GINS3: variants seen among roughly 807,000 people sequenced by gnomAD.
GINS3 encodes DNA replication complex GINS protein PSF3.
In GINS3, 18 loss-of-function variants were observed where a neutral mutation model predicts 20.0. That is an observed-to-expected ratio of 0.90 (90% CI 0.62 to 1.33). The LOEUF is 1.33. Ranked by LOEUF, GINS3 falls within the 40% of genes most tolerant of loss-of-function variation. GINS3 has a pLI of 0.00. For missense variants in GINS3, 254 were observed against 273.6 expected (o/e 0.93, Z 0.51); for synonymous variants, 109 against 107.0 (o/e 1.02, Z -0.12).
chr16:58,397,772 G>A (rs1045313139), intron 1 of GINS3, among the ~76,000 whole-genome samples: 6 of 151,946 alleles, frequency 3.9e-5, no homozygotes, highest in South Asian at 2.1e-4. Flanking sequence ...GTCCAGCTTC[G>A]GCTCGGCATC....
At chr16:58,396,569 T>C (rs1230417831) in intron 1 of GINS3, among the ~76,000 whole-genome samples, 3 of 25,882 alleles carry the variant, frequency 1.2e-4, no homozygotes, top group African/African-American at 3.7e-4. Context: ...CGGGGGCTGA[T>C]CCCCCCCACC....
intron 2 of GINS3, 173 bp downstream of exon 2, chr16:58,403,504 C>T: frequency 1.7e-6 from 1 of 573,814 alleles, no homozygotes; most frequent in Non-Finnish European, 3.1e-6. Context: ...TACACACACA[C>T]ACACACACAC....
intron 1 of GINS3, among the ~76,000 whole-genome samples, chr16:58,396,047 G>A (rs908710641): frequency 4.2e-5 from 6 of 144,542 alleles, no homozygotes; most frequent in Non-Finnish European, 6.1e-5. Flanking sequence ...GGGCAGAGGC[G>A]CCCCTCACCT....
intron 1 of GINS3, 49 bp downstream of exon 1, chr16:58,392,836 C>A (rs1469019649): frequency 1.3e-6 from 2 of 1,512,248 alleles, no homozygotes; most frequent in Admixed American, 2.1e-5. Flanking sequence ...CAGCTCCCGG[C>A]GGGCCCCTCG....
At position 58,397,935 on chromosome 16, in the gene GINS3, G is replaced by GT. The variant is rs1965905364; in HGVS notation, c.186+5149dup. On this transcript the variant is annotated intron_variant, in intron 1 of 2. Transcript: ENST00000318129. ...TTAATGTCAGTAGGATTACAGTGGTGTCCTTATTTTTATTTTTAATATCAA... is the reference window on the plus strand; with the variant it reads ...TTAATGTCAGTAGGATTACAGTGGTGTTCCTTATTTTTATTTTTAATATCAA... 2.0e-5 allele frequency among the ~76,000 whole-genome samples: 3 copies of GT among 152,144 alleles called. No individual in the cohort carries two copies. In the South Asian group the frequency reaches 6.2e-4, roughly 31 times the overall value.
At position 58,404,763 on chromosome 16, in the gene GINS3, C is replaced by G; in HGVS notation, c.*34C>G. The G allele has an allele frequency of 6.9e-7, 1 of 1,449,278 alleles. No individual in the cohort carries two copies. Among genetic ancestry groups the G allele is most frequent in the Non-Finnish European group, 9.6e-7 (1 of 1,039,354 alleles). 89.8% of individuals were successfully genotyped at this position (1,449,278 alleles called of 1,614,324 possible). On this transcript the variant is annotated 3_prime_UTR_variant, in exon 3 of 3. Transcript: ENST00000318129. ...AGAACACAGAATGGCTCCTCACAGA[C>G]GTATCCCTCCGTGTGTCCTTGATAG...
chr16:58,392,721 G>C lies in GINS3; in HGVS notation c.120G>C (p.Met40Ile). 6.2e-7 allele frequency: 1 copy of C among 1,614,176 alleles called. No individual in the cohort carries two copies. Among genetic ancestry groups the C allele is most frequent in the South Asian group, 1.1e-5 (1 of 91,090 alleles). Residue 40 changes from methionine (M) to isoleucine (I), a missense_variant, in exon 1 of 3, where the codon ATG (methionine) becomes ATC (isoleucine). Coordinates refer to ENST00000318129, the MANE Select transcript of GINS3 (RefSeq NM_022770.4). ...EKLPVRTETAMPRLGAFFLER... is the reference protein window; with the variant it reads ...EKLPVRTETAIPRLGAFFLER... Reference sequence around the variant, plus strand: ...TGCCGGTGCGCACGGAGACCGCCATGCCTCGCCTTGGCGCTTTCTTCCTGG... The same window carrying C: ...TGCCGGTGCGCACGGAGACCGCCATCCCTCGCCTTGGCGCTTTCTTCCTGG...
At chr16:58,395,272 CT>C (rs111843649) in intron 1 of GINS3, 17,002 of 223,358 alleles carry the variant, frequency 0.076, 25 homozygotes, top group Middle Eastern at 0.097. Context: ...TCTAAATTTT[CT>C]TTTTTTTTTT....
At chr16:58,397,643 A>T (rs1004986678) in intron 1 of GINS3, among the ~76,000 whole-genome samples, 1 of 152,066 alleles carries the variant, frequency 6.6e-6, no homozygotes, top group African/African-American at 2.4e-5. Context: ...CGTCTCCACC[A>T]AAAAAATACG....
At chr16:58,397,059 C>G (rs572422252) in intron 1 of GINS3, among the ~76,000 whole-genome samples, 2 of 148,502 alleles carry the variant, frequency 1.3e-5, no homozygotes, top group African/African-American at 5.2e-5. Context: ...GCTGGCCGGG[C>G]GGGGGGCTGA....
Position 58,392,649 on chromosome 16 carries a change from G to A in GINS3, c.48G>A (p.Glu16=), listed in dbSNP as rs749908545. Residue 16 remains glutamate, a synonymous_variant, in exon 1 of 3, where the codon GAG becomes GAA. Coordinates refer to ENST00000318129, the MANE Select transcript of GINS3 (RefSeq NM_022770.4). The part of the protein sequence containing the change: ...FRVESGALGP[E]ENFLSLDDIL... ...TGGAGTCGGGTGCGCTGGGGCCTGA[G>A]GAGAACTTTCTTTCTTTGGACGACA... 10 of 1,614,024 alleles carry A rather than the reference G, an allele frequency of 6.2e-6. No individual in the cohort carries two copies. Among genetic ancestry groups the A allele is most frequent in the African/African-American group, 1.3e-5 (1 of 74,952 alleles).
Position 58,404,875 on chromosome 16 carries a change from C to T in GINS3, c.*146C>T, listed in dbSNP as rs1391289157. ...CCATAGAGAATTATAGGGAACTGGA[C>T]ATGCTGGAGGATGTGGGTGTCCCTG... On this transcript the variant is annotated 3_prime_UTR_variant, in exon 3 of 3. Coordinates refer to ENST00000318129, the MANE Select transcript of GINS3 (RefSeq NM_022770.4). The T allele has an allele frequency of 7.7e-6, 5 of 651,268 alleles. No individual in the cohort carries two copies. The highest frequency in any genetic ancestry group is 1.9e-5 in the South Asian group (1 of 52,052). The allele number at this position is 651,268 out of a possible 1,614,324, so 40.3% of individuals were successfully genotyped here.
At chr16:58,402,932 C>T in intron 1 of GINS3, 166 bp from the exon 2 acceptor site, 1 of 604,618 alleles carries the variant, frequency 1.7e-6, no homozygotes, top group Non-Finnish European at 2.9e-6. Flanking sequence ...AAACTTCAGC[C>T]CACACACTTC....
chr16:58,403,544 C>T lies in GINS3; in HGVS notation c.420+213C>T, dbSNP rs576241662. 7 of 532,842 alleles carry T rather than the reference C, an allele frequency of 1.3e-5. No individual in the cohort carries two copies. In the South Asian group the frequency reaches 1.4e-4, roughly 11 times the overall value. 33.0% of individuals were successfully genotyped at this position (532,842 alleles called of 1,614,324 possible). A position where few individuals can be genotyped will look rare whatever the true frequency, so the allele number is the denominator to read the frequency against. ...ACATTTTTTTAATATGACTTGTCTGCCACTCCTCATATTTGCTTGCTACAA... is the reference window on the plus strand; with the variant it reads ...ACATTTTTTTAATATGACTTGTCTGTCACTCCTCATATTTGCTTGCTACAA... On this transcript the variant is annotated intron_variant, in intron 2 of 2. Coordinates refer to ENST00000318129, the MANE Select transcript of GINS3 (RefSeq NM_022770.4).
chr16:58,392,513 C>A lies in GINS3; in HGVS notation c.-89C>A. 7.1e-7 allele frequency: 1 copy of A among 1,416,376 alleles called. No individual in the cohort carries two copies. Among genetic ancestry groups the A allele is most frequent in the South Asian group, 1.3e-5 (1 of 77,072 alleles). The allele number at this position is 1,416,376 out of a possible 1,614,324, so 87.7% of individuals were successfully genotyped here. ...CTTTCCTGACCCCAACCATCCTGCC[C>A]AGTCTCCGCTTCCCCGTCTTGTACA... On this transcript the variant is annotated 5_prime_UTR_variant, in exon 1 of 3. Coordinates refer to ENST00000318129, the MANE Select transcript of GINS3 (RefSeq NM_022770.4).
At chr16:58,403,483 A>G in intron 2 of GINS3, 152 bp downstream of exon 2, 1 of 605,584 alleles carries the variant, frequency 1.7e-6, no homozygotes, top group South Asian at 2.0e-5. Flanking sequence ...CATTTTATAT[A>G]TTTACATATA....
chr16:58,398,302 T>G (rs6499953), intron 1 of GINS3, among the ~76,000 whole-genome samples: 7,320 of 152,314 alleles, frequency 0.048, 191 homozygotes, highest in African/African-American at 0.073. Context: ...ATATTTTCAT[T>G]ATCAATGAAC....
intron 1 of GINS3, among the ~76,000 whole-genome samples, chr16:58,396,083 G>C (rs1448480980): frequency 6.9e-6 from 1 of 144,190 alleles, no homozygotes; most frequent in Non-Finnish European, 1.5e-5. Flanking sequence ...TGGCCGGGCG[G>C]GGGGCTGACT....
intron 1 of GINS3, among the ~76,000 whole-genome samples, chr16:58,393,947 T>C (rs1965817328): frequency 6.6e-6 from 1 of 152,156 alleles, no homozygotes; most frequent in Non-Finnish European, 1.5e-5. Context: ...GTACCTTTTT[T>C]AGTGGTGTCT....
Sources: allele counts gnomAD v4.1 joint callset (sites outside exome capture counted in the v4.1 genomes callset), GRCh38; gene constraint gnomAD v4.1.1; transcripts MANE v1.5; gene names NCBI Gene and HGNC (gene_info 2026-07-23, HGNC 2026-07-21).